The following WDPCP variants were observed in gnomAD, a reference collection of about 807,000 sequenced individuals.
WDPCP encodes the protein WD repeat-containing and planar cell polarity effector protein fritz homolog.
In WDPCP, 71 loss-of-function variants were observed where a neutral mutation model predicts 93.1. The observed-to-expected ratio is 0.76, with a 90% confidence interval of 0.63 to 0.93. The LOEUF is 0.93. WDPCP is among the 40% of genes least tolerant of loss of function. WDPCP has a pLI of 0.00. For missense variants in WDPCP, 844 were observed against 887.4 expected (o/e 0.95, Z 0.62); for synonymous variants, 315 against 315.0 (o/e 1.00, Z 0.00).
At chr2:63,414,128 T>C (rs1167119017) in intron 9 of WDPCP, among the ~76,000 whole-genome samples, 1 of 151,996 alleles carries the variant, frequency 6.6e-6, no homozygotes, top group Non-Finnish European at 1.5e-5. Context: ...CACAGTGCAA[T>C]ACCACTTTAC....
At chr2:63,196,699 ATT>A (rs1675459990) in intron 14 of WDPCP, among the ~76,000 whole-genome samples, 3 of 152,326 alleles carry the variant, frequency 2.0e-5, no homozygotes, top group Non-Finnish European at 4.4e-5. Flanking sequence ...TAAGAAAATC[ATT>A]GAGAAGAAAG....
intron 1 of WDPCP, among the ~76,000 whole-genome samples, chr2:63,508,038 T>G (rs1302009082): frequency 6.6e-6 from 1 of 152,122 alleles, no homozygotes; most frequent in Non-Finnish European, 1.5e-5. Flanking sequence ...AGAATTTCCC[T>G]AACCTATCAA....
At chr2:63,738,476 G>C (rs1234930329) in intron 2 of WDPCP, among the ~76,000 whole-genome samples, 2 of 151,528 alleles carry the variant, frequency 1.3e-5, no homozygotes, top group Non-Finnish European at 1.5e-5. Context: ...TCCAGAAGTG[G>C]AAAATGAGAA....
At chr2:63,293,975 T>C (rs969851412) in intron 13 of WDPCP, among the ~76,000 whole-genome samples, 1 of 152,128 alleles carries the variant, frequency 6.6e-6, no homozygotes, top group Non-Finnish European at 1.5e-5. Flanking sequence ...CTCCCCAAAT[T>C]TGATGAAAGG....
intron 12 of WDPCP, among the ~76,000 whole-genome samples, chr2:63,326,100 G>T (rs10169292): frequency 0.78 from 119,324 of 152,164 alleles, 47,359 homozygotes; most frequent in East Asian, 0.96. Context: ...TGTAAATGGC[G>T]TACTAGGTGC....
rs535626371 is a variant in WDPCP, at chr2:63,388,391, A to G, written c.1436-6297T>C. ...GCATCTACACCAAAACCCCATCTGT[A>G]GGTCACCAACATCAAAGACCAAAGG... is the stretch of plus-strand genomic sequence containing the variant. On this transcript the variant is annotated intron_variant, in intron 10 of 17. Coordinates refer to ENST00000272321, the MANE Select transcript of WDPCP (RefSeq NM_015910.7). 1.7e-4 allele frequency among the ~76,000 whole-genome samples: 26 copies of G among 152,328 alleles called. No individual in the cohort carries two copies. In the South Asian group the frequency reaches 5.4e-3, roughly 32 times the overall value.
chr2:63,366,841 C>T (rs1239808286), intron 12 of WDPCP, among the ~76,000 whole-genome samples: 8 of 152,078 alleles, frequency 5.3e-5, no homozygotes, highest in Middle Eastern at 6.8e-3. Flanking sequence ...AACATACACA[C>T]ATCACACACA....
intron 9 of WDPCP, among the ~76,000 whole-genome samples, chr2:63,421,643 G>C (rs1695871014): frequency 6.6e-6 from 1 of 152,130 alleles, no homozygotes; most frequent in African/African-American, 2.4e-5. Flanking sequence ...CATAAACACG[G>C]CATCCCTAAT....
chr2:63,360,687 T>C (rs1690379492), intron 12 of WDPCP, among the ~76,000 whole-genome samples: 2 of 152,234 alleles, frequency 1.3e-5, no homozygotes, highest in Admixed American at 6.5e-5. Context: ...AAAACAGATG[T>C]TAATTTAAAA....
At chr2:63,355,454 T>C (rs1689950178) in intron 12 of WDPCP, among the ~76,000 whole-genome samples, 1 of 152,080 alleles carries the variant, frequency 6.6e-6, no homozygotes, top group Admixed American at 6.6e-5. Context: ...GAAAGGAGCA[T>C]TAAATATAGA....
intron 1 of WDPCP, among the ~76,000 whole-genome samples, chr2:63,494,769 A>AC (rs1701118145): frequency 6.6e-6 from 1 of 151,996 alleles, no homozygotes; most frequent in Non-Finnish European, 1.5e-5. Context: ...AAATACAAAA[A>AC]ATTAGCCGGG....
Position 63,323,783 on chromosome 2 carries a change from G to T in WDPCP, c.1749-10472C>A, listed in dbSNP as rs186780955. 9.8e-5 allele frequency among the ~76,000 whole-genome samples: 15 copies of T among 152,286 alleles called. No individual in the cohort carries two copies. The East Asian group carries it at 2.9e-3, about 29-fold the overall frequency. On this transcript the variant is annotated intron_variant, in intron 12 of 17. Coordinates refer to ENST00000272321, the MANE Select transcript of WDPCP (RefSeq NM_015910.7). ...GGTGCAGGTTTTCGAGAATGCGTTG[G>T]TAAGGGCCACTAAATCCGACCTTTC...
At chr2:63,141,518 G>C (rs1373415166) in intron 17 of WDPCP, among the ~76,000 whole-genome samples, 6 of 152,240 alleles carry the variant, frequency 3.9e-5, no homozygotes, top group Non-Finnish European at 8.8e-5. Flanking sequence ...TGGTTAGCTA[G>C]AGCTAGTAGT....
At chr2:63,713,854 T>C (rs1343105051) in intron 2 of WDPCP, among the ~76,000 whole-genome samples, 1 of 152,188 alleles carries the variant, frequency 6.6e-6, no homozygotes, top group East Asian at 1.9e-4. Flanking sequence ...TTTGTGCTGA[T>C]TGAAGTATCT....
intron 15 of WDPCP, among the ~76,000 whole-genome samples, chr2:63,161,596 C>CA (rs1001401343): frequency 2.0e-5 from 3 of 151,470 alleles, no homozygotes; most frequent in African/African-American, 2.4e-5. Flanking sequence ...GAAAATAAAA[C>CA]AAAAAAAGCC....
At chr2:63,578,849 C>T (rs2106535236) in intron 1 of WDPCP, among the ~76,000 whole-genome samples, 1 of 152,252 alleles carries the variant, frequency 6.6e-6, no homozygotes, top group East Asian at 1.9e-4. Context: ...TTCTATTCTC[C>T]ATGAGATTCA....
intron 13 of WDPCP, among the ~76,000 whole-genome samples, chr2:63,266,669 G>A (rs538108091): frequency 4.6e-5 from 7 of 152,170 alleles, no homozygotes; most frequent in South Asian, 2.1e-4. Context: ...AGCTGGGTGC[G>A]GTGGCAGGCG....
intron 15 of WDPCP, among the ~76,000 whole-genome samples, chr2:63,166,716 G>C (rs558524239): frequency 6.6e-6 from 1 of 152,218 alleles, no homozygotes; most frequent in East Asian, 1.9e-4. Context: ...TTTGATATAG[G>C]TAAACAATGT....
intron 4 of WDPCP, among the ~76,000 whole-genome samples, chr2:63,485,977 A>T (rs1233363259): frequency 2.0e-5 from 3 of 151,786 alleles, no homozygotes; most frequent in African/African-American, 7.2e-5. Flanking sequence ...ATTATTTTTT[A>T]AAATTAAATG....
Sources: allele counts gnomAD v4.1 joint callset (sites outside exome capture counted in the v4.1 genomes callset), GRCh38; gene constraint gnomAD v4.1.1; transcripts MANE v1.5; gene names NCBI Gene and HGNC (gene_info 2026-07-23, HGNC 2026-07-21).